The following KIF13A variants were observed in gnomAD, a reference collection of about 807,000 sequenced individuals.
KIF13A encodes kinesin-like protein KIF13A.
Under a neutral mutation model 212.2 loss-of-function variants are expected in KIF13A, and 79 were observed. The observed-to-expected ratio is 0.37, with a 90% CI of 0.31 to 0.45. The LOEUF is 0.45. Among genes scored for constraint, KIF13A ranks in the 20% least tolerant of loss-of-function variants. The pLI, the probability that KIF13A is intolerant of heterozygous loss-of-function variation, is 1.00. For missense variants in KIF13A, 1,901 were observed against 2,209.0 expected (o/e 0.86, Z 2.79); for synonymous variants, 789 against 808.6 (o/e 0.98, Z 0.41).
chr6:17,839,508 C>G lies in KIF13A; in HGVS notation c.831-1925G>C, dbSNP rs943738304. Reference sequence around the variant, plus strand: ...TACATGTATCACAACAACTACAACACGGATGAACCCTGGCAAATTATTTTA... The same window carrying G: ...TACATGTATCACAACAACTACAACAGGGATGAACCCTGGCAAATTATTTTA... On this transcript the variant is annotated intron_variant, in intron 9 of 38. Coordinates refer to ENST00000259711, the MANE Select transcript of KIF13A (RefSeq NM_022113.6). This position sits in a 1 kb window ranked among gnomAD's most constrained non-coding sequence, Gnocchi z 4.3. Among the ~76,000 whole-genome samples, 7 of 152,136 alleles carry G rather than the reference C, an allele frequency of 4.6e-5. No individual in the cohort carries two copies. Among genetic ancestry groups the G allele is most frequent in the African/African-American group, 1.7e-4 (7 of 41,434 alleles).
rs755701612 is a variant in KIF13A at position 17,768,378 on chromosome 6, T to C, written c.4581+2736A>G. ...TACCTATACAGAAAACACCTTGATT[T>C]TAAAAAGGGACTGAAATCCACATTA... On this transcript the variant is annotated intron_variant, in intron 38 of 38. Coordinates refer to ENST00000259711, the MANE Select transcript of KIF13A (RefSeq NM_022113.6). The surrounding 1 kb of genome is among the most constrained non-coding windows in gnomAD (Gnocchi z 5.4). Among the ~76,000 whole-genome samples the C allele has an allele frequency of 2.0e-5, 3 of 152,234 alleles. No individual in the cohort carries two copies. The highest frequency in any genetic ancestry group is 4.4e-5 in the Non-Finnish European group (3 of 68,040).
In KIF13A at chr6:17,825,857, A is replaced by G. The variant is rs770457657; in HGVS notation, c.1697T>C (p.Leu566Pro). Reference protein sequence around the residue: ...EKETGPPEHDLDAASEASSEP... With the variant: ...EKETGPPEHDPDAASEASSEP... The stretch of plus-strand genomic sequence containing the variant: ...AGAGGAAGCCTCACTGGCTGCATCC[A>G]GGTCATGCTCTGGCGGGCCCGTTTC... Residue 566 changes from leucine to proline, a missense_variant, in exon 16 of 39, where the codon CTG (leucine) becomes CCG (proline). This residue lies in a region of KIF13A where 534 missense variants were observed against 536.9 expected (regional missense o/e 0.99). Coordinates refer to ENST00000259711, the MANE Select transcript of KIF13A (RefSeq NM_022113.6). This position sits in a 1 kb window ranked among gnomAD's most constrained non-coding sequence, Gnocchi z 4.5. 10 of 1,613,998 alleles carry G rather than the reference A, an allele frequency of 6.2e-6. No individual in the cohort carries two copies. The highest frequency in any genetic ancestry group is 1.6e-4 in the Middle Eastern group (1 of 6,062).
intron 2 of KIF13A, among the ~76,000 whole-genome samples, chr6:17,977,391 CAT>C (rs59669211): frequency 0.011 from 1,669 of 152,268 alleles, 23 homozygotes; most frequent in African/African-American, 0.038. Context: ...TGCTGGCAAT[CAT>C]GAGAAGAAAT....
Position 17,971,157 on chromosome 6 carries a change from G to A in KIF13A, c.146+15897C>T, listed in dbSNP as rs1272906073. 3.9e-5 allele frequency among the ~76,000 whole-genome samples: 6 copies of A among 152,044 alleles called. No homozygotes were observed. The highest frequency in any genetic ancestry group is 1.4e-4 in the African/African-American group (6 of 41,394). On this transcript the variant is annotated intron_variant, in intron 2 of 38. Transcript: ENST00000259711. The surrounding 1 kb of genome is among the most constrained non-coding windows in gnomAD (Gnocchi z 4.2). ...ATTCTTAGTATGATCTGGCCTGAAGGACCCAAGATCCTCAGAACTCCAATA... is the reference window on the plus strand; with the variant it reads ...ATTCTTAGTATGATCTGGCCTGAAGAACCCAAGATCCTCAGAACTCCAATA...
chr6:17,873,746 T>C (rs1264963018), intron 3 of KIF13A, among the ~76,000 whole-genome samples: 2 of 151,930 alleles, frequency 1.3e-5, no homozygotes, highest in East Asian at 3.9e-4. Flanking sequence ...TGCCACCATA[T>C]CGAGCAATTA....
intron 2 of KIF13A, among the ~76,000 whole-genome samples, chr6:17,943,413 T>C (rs1777115930): frequency 6.6e-6 from 1 of 151,070 alleles, no homozygotes; most frequent in South Asian, 2.1e-4. Context: ...TTTTTTTTTT[T>C]TTTTTTGTAT....
chr6:17,942,737 C>A (rs187476646), intron 2 of KIF13A, among the ~76,000 whole-genome samples: 1 of 152,022 alleles, frequency 6.6e-6, no homozygotes, highest in African/African-American at 2.4e-5. Context: ...CAGCACTTTA[C>A]GAGGCCAAGG....
At position 17,890,149 on chromosome 6, in the gene KIF13A, T is replaced by C. The variant is rs111819033; in HGVS notation, c.159+8019A>G. On this transcript the variant is annotated intron_variant, in intron 3 of 38. Transcript: ENST00000259711. ...GTTGCAGTGAGCCGAGATCGCACCA[T>C]GGCATTCCAGCCTGGGCAACAAGAG... Among the ~76,000 whole-genome samples, 1,041 of 138,684 alleles carry C rather than the reference T, an allele frequency of 7.5e-3. 13 individuals carry two copies. The highest frequency in any genetic ancestry group is 0.027 in the African/African-American group (973 of 36,624). 91.0% of individuals were successfully genotyped at this position (138,684 alleles called of 152,430 possible).
rs976371110 is a variant in KIF13A at position 17,828,180 on chromosome 6, C to G, written c.1532+60G>C. ...GCTGAAAGCAAACAGAAAGAGGCAG[C>G]CTTCTCCTTCTGAAAATAAGGCACA... On this transcript the variant is annotated intron_variant, in intron 14 of 38. Coordinates refer to ENST00000259711, the MANE Select transcript of KIF13A (RefSeq NM_022113.6). The surrounding 1 kb of genome is among the most constrained non-coding windows in gnomAD (Gnocchi z 4.3). The G allele has an allele frequency of 1.3e-6, 2 of 1,541,444 alleles. No individual in the cohort carries two copies. The highest frequency in any genetic ancestry group is 8.8e-7 in the Non-Finnish European group (1 of 1,134,134).
At chr6:17,921,193 C>G (rs1775039134) in intron 2 of KIF13A, among the ~76,000 whole-genome samples, 1 of 152,128 alleles carries the variant, frequency 6.6e-6, no homozygotes, top group African/African-American at 2.4e-5. Context: ...CTATAAGCCC[C>G]CAACTTAAAA....
At chr6:17,812,485 T>C (rs1318873064) in intron 17 of KIF13A, 1 of 152,224 alleles carries the variant, frequency 6.6e-6, no homozygotes, top group Non-Finnish European at 1.5e-5. Context: ...GCCAGTTCCA[T>C]CCATGTTCCT....
Position 17,783,719 on chromosome 6 carries a change from A to G in KIF13A, c.3489-18T>C. 1 of 1,482,242 alleles carries G rather than the reference A, an allele frequency of 6.7e-7. No individual in the cohort carries two copies. Among genetic ancestry groups the G allele is most frequent in the Non-Finnish European group, 9.3e-7 (1 of 1,079,668 alleles). The allele number at this position is 1,482,242 out of a possible 1,614,324, so 91.8% of individuals were successfully genotyped here. ...GTGGGATCCTAAATTTAATAACAAC[A>G]TTTAATCATAACAAAATATGTATTT... On this transcript the variant is annotated intron_variant, in intron 28 of 38. Coordinates refer to ENST00000259711, the MANE Select transcript of KIF13A (RefSeq NM_022113.6). This position sits in a 1 kb window ranked among gnomAD's most constrained non-coding sequence, Gnocchi z 4.3.
At chr6:17,893,832 C>CTTTTTTTTTTTTTTTT (rs139288852) in intron 3 of KIF13A, among the ~76,000 whole-genome samples, 2 of 77,328 alleles carry the variant, frequency 2.6e-5, no homozygotes, top group Non-Finnish European at 5.1e-5. Context: ...TTTCCTGCAT[C>CTTTTTTTTTTTTTTTT]TTTTTTTTTT....
rs1779438298 is a variant in KIF13A at position 17,967,606 on chromosome 6, T to A, written c.146+19448A>T. Reference sequence around the variant, plus strand: ...GCCTGGTTATCCATTTCCATAGTCATGATGCCCCCACACACAGACTGCTAT... The same window carrying A: ...GCCTGGTTATCCATTTCCATAGTCAAGATGCCCCCACACACAGACTGCTAT... On this transcript the variant is annotated intron_variant, in intron 2 of 38. Transcript: ENST00000259711. This position sits in a 1 kb window ranked among gnomAD's most constrained non-coding sequence, Gnocchi z 4.1. 6.6e-6 allele frequency among the ~76,000 whole-genome samples: 1 copy of A among 152,206 alleles called. No individual in the cohort carries two copies. The highest frequency in any genetic ancestry group is 2.4e-5 in the African/African-American group (1 of 41,462).
At position 17,947,796 on chromosome 6, in the gene KIF13A, G is replaced by A. The variant is rs1012193423; in HGVS notation, c.146+39258C>T. Among the ~76,000 whole-genome samples the A allele has an allele frequency of 6.6e-6, 1 of 152,046 alleles. No individual in the cohort carries two copies. The highest frequency in any genetic ancestry group is 1.5e-5 in the Non-Finnish European group (1 of 68,010). ...GTGGAGGTTGCAGTGAGCCGAGATT[G>A]CGCCATTGCGCTCCAGCCTGTGTGA... On this transcript the variant is annotated intron_variant, in intron 2 of 38. Transcript: ENST00000259711. This position sits in a 1 kb window ranked among gnomAD's most constrained non-coding sequence, Gnocchi z 4.6.
intron 3 of KIF13A, among the ~76,000 whole-genome samples, chr6:17,891,774 A>C (rs966981403): frequency 3.9e-5 from 6 of 152,104 alleles, no homozygotes; most frequent in Admixed American, 3.9e-4. Context: ...TAAAAAAAGA[A>C]AGACACCCAA....
chr6:17,796,923 GA>G, intron 22 of KIF13A, 103 bp from the exon 23 acceptor site: 1 of 607,742 alleles, frequency 1.6e-6, no homozygotes. Flanking sequence ...ATATTAGCCT[GA>G]TCGTGACCTT....
chr6:17,808,916 C>G lies in KIF13A; in HGVS notation c.2015G>C (p.Arg672Pro), dbSNP rs746859406. 2 of 1,611,870 alleles carry G rather than the reference C, an allele frequency of 1.2e-6. No homozygotes were observed. The highest frequency in any genetic ancestry group is 2.2e-5 in the South Asian group (2 of 90,694). The change falls in exon 18 of 39, where the codon CGA becomes CCA. Residue 672 changes from arginine to proline, a missense_variant. Transcript: ENST00000259711. The part of the protein sequence containing the change: ...QWAEERDELF[R>P]QSLAKLREQL... ...CTCTCGCAGTTTTGCCAGGCTTTGT[C>G]GGAAGAGTTCATCCCTGCAGTGTCA...
intron 2 of KIF13A, among the ~76,000 whole-genome samples, chr6:17,924,827 A>G (rs556501662): frequency 1.3e-5 from 2 of 152,328 alleles, no homozygotes; most frequent in Non-Finnish European, 2.9e-5. Flanking sequence ...TCCATGCACA[A>G]TATTTTCTTT....
Sources: gnomAD v4.1 joint callset for allele counts (sites outside exome capture counted in the v4.1 genomes callset) on GRCh38, gnomAD v4.1.1 for gene constraint, gnomAD v4.1.1 regional missense constraint, Gnocchi (gnomAD v3.1) non-coding constraint, MANE v1.5 for transcripts, NCBI Gene and HGNC (gene_info 2026-07-23, HGNC 2026-07-21) for gene names.